The following ICA1L variants were observed in gnomAD, a reference collection of about 807,000 sequenced individuals.
ICA1L encodes the protein islet cell autoantigen 1 like.
In ICA1L, 50 loss-of-function variants were observed where a neutral mutation model predicts 61.3. That is an observed-to-expected ratio of 0.82 (90% CI 0.65 to 1.03). The LOEUF is 1.03. Among genes scored for constraint, ICA1L ranks in the 50% least tolerant of loss-of-function variants. The pLI is 0.00. For synonymous variants in ICA1L, 161 were observed against 191.3 expected, an observed-to-expected ratio of 0.84 and a Z score of 1.31; for missense variants, 508 against 556.7, an observed-to-expected ratio of 0.91 and a Z score of 0.88.
chr2:202,840,659 T>C (rs1694301650), intron 1 of ICA1L: 3 of 590,068 alleles, frequency 5.1e-6, no homozygotes, highest in Non-Finnish European at 9.8e-6. Context: ...CGTCAGTTCC[T>C]GGTACTCATG....
rs567670948 is a variant in ICA1L, at chr2:202,776,917, G to A, written c.*2616C>T. 2 of 152,104 alleles carry A rather than the reference G, an allele frequency of 1.3e-5. No individual in the cohort carries two copies. Among genetic ancestry groups the A allele is most frequent in the East Asian group, 1.9e-4 (1 of 5,190 alleles). The allele number at this position is 152,104 out of a possible 1,614,324, so 9.4% of individuals were successfully genotyped here. On this transcript the variant is annotated 3_prime_UTR_variant, in exon 13 of 13. Transcript: ENST00000358299. ...GTTTCTGCTTTGTCTGCTTGTTAAAGTATCTGTATTCGATAACAGGGACTT... is the reference window on the plus strand; with the variant it reads ...GTTTCTGCTTTGTCTGCTTGTTAAAATATCTGTATTCGATAACAGGGACTT...
At chr2:202,798,512 A>C (rs545105869) in intron 9 of ICA1L, among the ~76,000 whole-genome samples, 11 of 152,346 alleles carry the variant, frequency 7.2e-5, no homozygotes, top group Non-Finnish European at 1.5e-4. Flanking sequence ...AAGTGCCAGG[A>C]TAACAGGTGT....
At chr2:202,868,835 G>T (rs1322770182) in intron 1 of ICA1L, among the ~76,000 whole-genome samples, 3 of 151,934 alleles carry the variant, frequency 2.0e-5, no homozygotes, top group Non-Finnish European at 2.9e-5. Flanking sequence ...GGGCGTGATG[G>T]CATGTGCTTG....
At chr2:202,807,417 T>C (rs528055084) in intron 9 of ICA1L, among the ~76,000 whole-genome samples, 1 of 152,266 alleles carries the variant, frequency 6.6e-6, no homozygotes, top group South Asian at 2.1e-4. Context: ...AGGGGGCAGT[T>C]AGACCAGCCC....
At chr2:202,854,323 A>G (rs1694711311) in intron 1 of ICA1L, among the ~76,000 whole-genome samples, 1 of 152,206 alleles carries the variant, frequency 6.6e-6, no homozygotes, top group African/African-American at 2.4e-5. Flanking sequence ...AAAGGGATCA[A>G]TGCAACAAGA....
Position 202,841,741 on chromosome 2 carries a change from G to C in ICA1L, c.-7-12725C>G, listed in dbSNP as rs769741034. The C allele has an allele frequency of 3.0e-4, 148 of 491,230 alleles. 1 individual carries two copies. The highest frequency in any genetic ancestry group is 5.1e-4 in the Non-Finnish European group (128 of 252,124). 30.4% of individuals were successfully genotyped at this position (491,230 alleles called of 1,614,324 possible). A position where few individuals can be genotyped will look rare whatever the true frequency, so the allele number is the denominator to read the frequency against. ...CCTGGGGGCCAGAGGACCACCTCTG[G>C]TGGACACCTTGTAGGACTTCTGGGT... On this transcript the variant is annotated intron_variant, in intron 1 of 12. Coordinates refer to ENST00000358299, the MANE Select transcript of ICA1L (RefSeq NM_001288622.3).
intron 1 of ICA1L, among the ~76,000 whole-genome samples, chr2:202,848,045 A>G (rs559667459): frequency 6.6e-6 from 1 of 152,312 alleles, no homozygotes; most frequent in South Asian, 2.1e-4. Context: ...ACACATGGAC[A>G]TAAAGATGGG....
At chr2:202,867,054 G>A (rs184579483) in intron 1 of ICA1L, among the ~76,000 whole-genome samples, 2 of 152,100 alleles carry the variant, frequency 1.3e-5, no homozygotes, top group Admixed American at 1.3e-4. Context: ...AAATCAAGAA[G>A]TTAGATTTCA....
chr2:202,842,892 ATTC>A (rs1314718811), intron 1 of ICA1L, among the ~76,000 whole-genome samples: 2 of 152,064 alleles, frequency 1.3e-5, no homozygotes, highest in Non-Finnish European at 2.9e-5. Flanking sequence ...TCACATATTA[ATTC>A]TTCTGCTTCA....
intron 1 of ICA1L, among the ~76,000 whole-genome samples, chr2:202,842,677 A>G (rs1169004142): frequency 1.3e-5 from 2 of 152,146 alleles, no homozygotes; most frequent in East Asian, 1.9e-4. Context: ...TCATACCTGG[A>G]TATTTATACC....
chr2:202,786,687 G>A (rs1692595717), intron 11 of ICA1L: 1 of 454,098 alleles, frequency 2.2e-6, no homozygotes, highest in Non-Finnish European at 4.4e-6. Context: ...CTTGGACTCA[G>A]TGATCCCATT....
At chr2:202,805,027 AATAAAAAGGAAGGAAATCCTG>A (rs1693187342) in intron 9 of ICA1L, among the ~76,000 whole-genome samples, 1 of 152,348 alleles carries the variant, frequency 6.6e-6, no homozygotes, top group Admixed American at 6.5e-5. Context: ...TGGATTCATT[AATAAAAAGGAAGGAAATCCTG>A]ATACAAGCCC....
intron 2 of ICA1L, among the ~76,000 whole-genome samples, chr2:202,828,416 A>G (rs1458856793): frequency 6.6e-6 from 1 of 152,208 alleles, no homozygotes. Flanking sequence ...AAATATTTCA[A>G]TAACTCTATC....
chr2:202,797,694 A>G (rs1692972959), intron 9 of ICA1L, among the ~76,000 whole-genome samples: 1 of 151,730 alleles, frequency 6.6e-6, no homozygotes, highest in African/African-American at 2.4e-5. Flanking sequence ...GCTAATTTTT[A>G]TATTTTCAGT....
chr2:202,807,502 A>C (rs1342763570), intron 9 of ICA1L, among the ~76,000 whole-genome samples: 4 of 152,132 alleles, frequency 2.6e-5, no homozygotes, highest in African/African-American at 4.8e-5. Flanking sequence ...AAGCTAAAGC[A>C]CTCTGGGGTT....
Position 202,778,458 on chromosome 2 carries a change from G to GGAA in ICA1L, c.*1072_*1074dup, listed in dbSNP as rs1405139288. The GGAA allele has an allele frequency of 6.6e-6, 1 of 152,094 alleles. No homozygotes were observed. The highest frequency in any genetic ancestry group is 1.9e-4 in the East Asian group (1 of 5,192). 9.4% of individuals were successfully genotyped at this position (152,094 alleles called of 1,614,324 possible). A position where few individuals can be genotyped will look rare whatever the true frequency, so the allele number is the denominator to read the frequency against. Reference sequence around the variant, plus strand: ...CAGATCATGTCACCCACAGAAAGAGGGAAGTAGAAAAATGAGACACTCCCT... The same window carrying GGAA: ...CAGATCATGTCACCCACAGAAAGAGGGAAGAAGTAGAAAAATGAGACACTCCCT... On this transcript the variant is annotated 3_prime_UTR_variant, in exon 13 of 13. Transcript: ENST00000358299.
At chr2:202,865,996 A>G (rs1363398477) in intron 1 of ICA1L, among the ~76,000 whole-genome samples, 6 of 152,212 alleles carry the variant, frequency 3.9e-5, no homozygotes, top group Admixed American at 2.6e-4. Flanking sequence ...TTAGCAACAA[A>G]TTCAGTGAAA....
At position 202,809,170 on chromosome 2, in the gene ICA1L, C is replaced by G. The variant is rs550723277; in HGVS notation, c.910+2576G>C. On this transcript the variant is annotated intron_variant, in intron 9 of 12. Coordinates refer to ENST00000358299, the MANE Select transcript of ICA1L (RefSeq NM_001288622.3). ...TAACACAGAGAAGGAATTCAGAATC[C>G]TATCAGGTAAACTTAACAAAGAGGT... 2.6e-4 allele frequency among the ~76,000 whole-genome samples: 39 copies of G among 152,052 alleles called. No homozygotes were observed. The South Asian group carries it at 6.0e-3, about 23-fold the overall frequency.
chr2:202,869,097 C>A (rs1416252321), intron 1 of ICA1L, among the ~76,000 whole-genome samples: 1 of 152,118 alleles, frequency 6.6e-6, no homozygotes, highest in East Asian at 1.9e-4. Context: ...TGGTGGCTCA[C>A]GCCTGTAATC....
Sources: gnomAD v4.1 joint callset for allele counts (sites outside exome capture counted in the v4.1 genomes callset) on GRCh38, gnomAD v4.1.1 for gene constraint, MANE v1.5 for transcripts, NCBI Gene and HGNC (gene_info 2026-07-23, HGNC 2026-07-21) for gene names.